The following MRC1 variants were observed in gnomAD, a reference collection of about 807,000 sequenced individuals.
MRC1 encodes macrophage mannose receptor 1.
MRC1 carries 62 observed loss-of-function variants against 102.9 expected under a neutral mutation model. The ratio of observed to expected loss-of-function variants is 0.60; its 90% CI spans 0.49 to 0.74. MRC1 has a LOEUF of 0.74. MRC1 is among the 30% of genes least tolerant of loss of function. The pLI is 0.00. For synonymous variants in MRC1, 457 were observed against 298.4 expected, an observed-to-expected ratio of 1.53 and a Z score of -5.48; for missense variants, 1,237 against 862.8, an observed-to-expected ratio of 1.43 and a Z score of -5.43.
rs1027065352 is a variant in MRC1 at position 17,874,512 on chromosome 10, T to C, written c.2387-578T>C. 1.2e-3 allele frequency among the ~76,000 whole-genome samples: 178 copies of C among 152,312 alleles called. 1 individual carries two copies. Among genetic ancestry groups the C allele is most frequent in the Non-Finnish European group, 1.8e-3 (124 of 68,034 alleles). On this transcript the variant is annotated intron_variant, in intron 16 of 29. Transcript: ENST00000569591. ...CATGTCTATAAAGTCCCATTTTCCA[T>C]GTAAGCTAACATTCATAGGTTCCAG...
At chr10:17,816,102 T>G (rs1838307793) in intron 1 of MRC1, among the ~76,000 whole-genome samples, 1 of 152,158 alleles carries the variant, frequency 6.6e-6, no homozygotes, top group African/African-American at 2.4e-5. Context: ...TTTCTAAGCC[T>G]AAGACTGACT....
Position 17,900,254 on chromosome 10 carries a change from TCTCTCTTCCATACCCTTAC to T in MRC1, c.3484-519_3484-501del, listed in dbSNP as rs1833811586. Among the ~76,000 whole-genome samples the T allele has an allele frequency of 3.3e-5, 5 of 149,524 alleles. No individual in the cohort carries two copies. The South Asian group carries it at 1.1e-3, about 32-fold the overall frequency. The stretch of plus-strand genomic sequence containing the variant: ...CACTAGAAATCAAGAGACTAAGGCT[TCTCTCTTCCATACCCTTAC>T]CTCTCTTCCATACCTCTCTTCCATG... On this transcript the variant is annotated intron_variant, in intron 24 of 29. Transcript: ENST00000569591.
intron 26 of MRC1, among the ~76,000 whole-genome samples, chr10:17,902,339 G>A (rs955130706): frequency 1.3e-4 from 20 of 152,208 alleles, no homozygotes; most frequent in South Asian, 1.0e-3. Flanking sequence ...AGAAAACAGC[G>A]TATTCTAAAT....
At chr10:17,822,026 C>T (rs1838403465) in intron 1 of MRC1, among the ~76,000 whole-genome samples, 1 of 151,970 alleles carries the variant, frequency 6.6e-6, no homozygotes, top group South Asian at 2.1e-4. Flanking sequence ...TTTACATGAA[C>T]TCAATTTTGA....
chr10:17,833,079 A>C (rs1838604184), intron 3 of MRC1, among the ~76,000 whole-genome samples: 3 of 116,818 alleles, frequency 2.6e-5, no homozygotes, highest in African/African-American at 6.6e-5. Context: ...CTCACTTCCC[A>C]ACTCAATTGA....
At chr10:17,908,989 T>G (rs1196921242) in intron 28 of MRC1, among the ~76,000 whole-genome samples, 1 of 152,178 alleles carries the variant, frequency 6.6e-6, no homozygotes, top group Non-Finnish European at 1.5e-5. Context: ...GTTTTAAGGG[T>G]GAGTATCAGT....
intron 26 of MRC1, among the ~76,000 whole-genome samples, chr10:17,905,102 A>G (rs1040160631): frequency 3.3e-5 from 5 of 152,200 alleles, no homozygotes; most frequent in Admixed American, 3.3e-4. Flanking sequence ...AGACAGGTCA[A>G]GTAATGGAGA....
chr10:17,812,361 G>C (rs1390968013), intron 1 of MRC1, among the ~76,000 whole-genome samples: 1 of 152,136 alleles, frequency 6.6e-6, no homozygotes, highest in Non-Finnish European at 1.5e-5. Context: ...GTTTAACTTG[G>C]AAATGGGAGG....
intron 22 of MRC1, among the ~76,000 whole-genome samples, chr10:17,892,902 C>T (rs1482591191): frequency 1.3e-5 from 2 of 151,238 alleles, no homozygotes; most frequent in Non-Finnish European, 2.9e-5. Context: ...CCCAGCTACT[C>T]GGGAGGCCGA....
chr10:17,873,693 A>G (rs1423867349), intron 15 of MRC1, 91 bp from the exon 16 acceptor site: 1 of 816,542 alleles, frequency 1.2e-6, no homozygotes, highest in South Asian at 1.3e-5. Context: ...GTTTTTAGCA[A>G]TATTGACTCA....
intron 26 of MRC1, among the ~76,000 whole-genome samples, chr10:17,902,850 C>T (rs890606680): frequency 1.3e-5 from 2 of 152,072 alleles, no homozygotes; most frequent in Non-Finnish European, 2.9e-5. Flanking sequence ...ATCCGAGGCA[C>T]GATTATTGCT....
intron 1 of MRC1, among the ~76,000 whole-genome samples, chr10:17,813,159 T>C (rs1838251473): frequency 6.6e-6 from 1 of 152,216 alleles, no homozygotes; most frequent in African/African-American, 2.4e-5. Flanking sequence ...AGCAGGTAGA[T>C]GTAGATCCAG....
chr10:17,885,248 T>C (rs1056521416), intron 21 of MRC1, 21 bp from the exon 22 acceptor site: 4 of 780,676 alleles, frequency 5.1e-6, no homozygotes, highest in Admixed American at 5.1e-5. Context: ...TTTAAAATTA[T>C]ATCATGAAAT....
chr10:17,831,664 A>C (rs914138483), intron 3 of MRC1, among the ~76,000 whole-genome samples: 1 of 151,576 alleles, frequency 6.6e-6, no homozygotes, highest in African/African-American at 2.4e-5. Context: ...ATTTTCAGAG[A>C]AGTTATATAA....
intron 1 of MRC1, among the ~76,000 whole-genome samples, chr10:17,821,032 T>C (rs1254330202): frequency 1.3e-5 from 2 of 151,914 alleles, no homozygotes; most frequent in African/African-American, 4.8e-5. Context: ...CAGGAGGAGA[T>C]TGGGATAGGT....
At chr10:17,842,019 G>A (rs906796920) in intron 5 of MRC1, among the ~76,000 whole-genome samples, 9 of 152,198 alleles carry the variant, frequency 5.9e-5, no homozygotes, top group Non-Finnish European at 1.0e-4. Context: ...CTGGAGTGCA[G>A]TGGCGCAGTC....
At chr10:17,865,194 C>T (rs1162435753) in intron 11 of MRC1, among the ~76,000 whole-genome samples, 1 of 152,176 alleles carries the variant, frequency 6.6e-6, no homozygotes, top group Non-Finnish European at 1.5e-5. Context: ...TACTACCTGA[C>T]CTAATATGTC....
At position 17,900,907 on chromosome 10, in the gene MRC1, A is replaced by C; in HGVS notation, c.3603A>C (p.Thr1201=). The change falls in exon 25 of 30, where the codon ACA becomes ACC. Residue 1201 remains threonine (T), a synonymous_variant. Coordinates refer to ENST00000569591, the MANE Select transcript of MRC1 (RefSeq NM_002438.4). ...VYLDLDGYWK[T]AHCNESFYFL... is the part of the protein sequence containing the mutation. ...TGGATCTTGATGGCTACTGGAAGAC[A>C]GCACATTGCAATGAAAGTTTTTACT... The C allele has an allele frequency of 1.3e-6, 1 of 780,800 alleles. No homozygotes were observed. Among genetic ancestry groups the C allele is most frequent in the Non-Finnish European group, 2.4e-6 (1 of 417,940 alleles). 48.4% of individuals were successfully genotyped at this position (780,800 alleles called of 1,614,324 possible).
chr10:17,814,807 G>C (rs1838285784), intron 1 of MRC1, among the ~76,000 whole-genome samples: 1 of 149,776 alleles, frequency 6.7e-6, no homozygotes, highest in Non-Finnish European at 1.5e-5. Context: ...AGGGATTATA[G>C]GCGTGCACCA....
Sources: gnomAD v4.1 joint callset for allele counts (sites outside exome capture counted in the v4.1 genomes callset) on GRCh38, gnomAD v4.1.1 for gene constraint, MANE v1.5 for transcripts, NCBI Gene and HGNC (gene_info 2026-07-23, HGNC 2026-07-21) for gene names.